Variants in MOV10L1 observed in about 807,000 individuals in gnomAD.
MOV10L1 encodes the protein RNA helicase Mov10l1.
MOV10L1 carries 110 observed loss-of-function variants against 143.8 expected under a neutral mutation model. That is an observed-to-expected ratio of 0.76 (90% confidence interval 0.66 to 0.90). The LOEUF is 0.90. Ranked by LOEUF, MOV10L1 falls within the 40% of genes least tolerant of loss-of-function variation. The probability of loss-of-function intolerance (pLI) is 0.00; values close to 1 mark genes in which losing one functional copy is unlikely to be tolerated. For synonymous variants in MOV10L1, 593 were observed against 581.1 expected (o/e 1.02, Z -0.29); for missense variants, 1,406 against 1,526.8 (o/e 0.92, Z 1.32).
chr22:50,099,397 T>C (rs778947139), intron 2 of MOV10L1, 46 bp from the exon 3 acceptor site: 10 of 1,588,244 alleles, frequency 6.3e-6, no homozygotes, highest in Non-Finnish European at 7.8e-6. Context: ...TTTGCTTTTC[T>C]TGTAGTTCTC....
At chr22:50,116,660 C>CTTTTT (rs397867977) in intron 8 of MOV10L1, among the ~76,000 whole-genome samples, 16 of 104,116 alleles carry the variant, frequency 1.5e-4, no homozygotes, top group African/African-American at 2.1e-4. Context: ...TAGATGCTTA[C>CTTTTT]TTTTTTTTTT....
chr22:50,115,122 AC>A lies in MOV10L1; in HGVS notation c.1137del (p.Cys380ValfsTer17), dbSNP rs1457761400. On this transcript the variant is annotated frameshift_variant, in exon 8 of 27. Coordinates refer to ENST00000262794, the MANE Select transcript of MOV10L1 (RefSeq NM_018995.3). LOFTEE classifies it high-confidence loss of function. ...AAAATTTTATTTCCCAGGTGATTGT[AC>A]CTGTAAAGGAGAAAATGGAGAAAAA... is the stretch of plus-strand genomic sequence containing the variant. ...NNRGISPGDC[T>X]CKGENGEKDN... 1.3e-6 allele frequency: 2 copies of A among 1,571,072 alleles called. No homozygotes were observed. Among genetic ancestry groups the A allele is most frequent in the African/African-American group, 2.8e-5 (2 of 71,568 alleles).
At position 50,158,028 on chromosome 22, in the gene MOV10L1, A is replaced by G. The variant is rs754102090; in HGVS notation, c.3067-29A>G. On this transcript the variant is annotated intron_variant, in intron 22 of 26. Coordinates refer to ENST00000262794, the MANE Select transcript of MOV10L1 (RefSeq NM_018995.3). The surrounding 1 kb of genome is among the most constrained non-coding windows in gnomAD (Gnocchi z 5.0). ...CCTTCTGGTGAATATTCATGAAGTA[A>G]AGTAGGTTTTCTCTCCTCATCAACC... 17 of 1,598,450 alleles carry G rather than the reference A, an allele frequency of 1.1e-5. 1 individual carries two copies. Among genetic ancestry groups the G allele is most frequent in the South Asian group, 4.5e-5 (4 of 89,676 alleles).
At chr22:50,108,069 T>G in intron 3 of MOV10L1, 67 bp from the exon 4 acceptor site, 1 of 1,389,188 alleles carries the variant, frequency 7.2e-7, no homozygotes, top group Non-Finnish European at 1.0e-6. Context: ...ATGATTTCAG[T>G]GCACCATGAC....
At chr22:50,140,003 ACATAAGG>A (rs1433106647) in intron 15 of MOV10L1, among the ~76,000 whole-genome samples, 1 of 152,206 alleles carries the variant, frequency 6.6e-6, no homozygotes, top group African/African-American at 2.4e-5. Flanking sequence ...AGAGATGAAG[ACATAAGG>A]CCACGTGAGG....
In MOV10L1 at chr22:50,114,643, C is replaced by T. The variant is rs1268581270; in HGVS notation, c.1126+21C>T. On this transcript the variant is annotated intron_variant, in intron 7 of 26. Transcript: ENST00000262794. ...TCCAGGTAGTGGACGTTTCGGCTGT[C>T]ACTGCGTGAGGTCGGGTGGGCTGGG... 3 of 1,611,276 alleles carry T rather than the reference C, an allele frequency of 1.9e-6. No homozygotes were observed. The East Asian group carries it at 6.7e-5, about 36-fold the overall frequency.
At chr22:50,118,886 A>G (rs770495138) in intron 9 of MOV10L1, among the ~76,000 whole-genome samples, 2 of 152,154 alleles carry the variant, frequency 1.3e-5, no homozygotes, top group Non-Finnish European at 2.9e-5. Flanking sequence ...CTTATCACCC[A>G]TCCTGCAGGC....
At chr22:50,128,341 T>A in intron 12 of MOV10L1, 75 bp from the exon 13 acceptor site, 1 of 861,742 alleles carries the variant, frequency 1.2e-6, no homozygotes, top group Non-Finnish European at 1.9e-6. Flanking sequence ...TAGAATGAAT[T>A]TTTGATGATG....
chr22:50,142,297 G>A (rs909750952), intron 16 of MOV10L1, 108 bp downstream of exon 16: 5 of 775,062 alleles, frequency 6.5e-6, no homozygotes, highest in Non-Finnish European at 9.8e-6. Context: ...AGTAGGGGGC[G>A]TGTGGCCTGT....
At chr22:50,095,214 C>A (rs1285484173) in intron 2 of MOV10L1, 1 of 152,198 alleles carries the variant, frequency 6.6e-6, no homozygotes, top group Admixed American at 6.6e-5. Flanking sequence ...CCTGCACTTT[C>A]ATGCTGCAGA....
chr22:50,117,162 C>T lies in MOV10L1; in HGVS notation c.1265C>T (p.Pro422Leu), dbSNP rs1195666735. Residue 422 changes from proline (P) to leucine (L), a missense_variant, in exon 9 of 27, where the codon CCT becomes CTT. By Grantham distance (98) the Pro-to-Leu change is moderately conservative. Around this residue, in one of 3 missense-constraint regions of MOV10L1, gnomAD observed 1,233 missense variants for 1,351.4 expected, o/e 0.91. Coordinates refer to ENST00000262794, the MANE Select transcript of MOV10L1 (RefSeq NM_018995.3). ...FIVVICDGKN[P>L]GRCKELLLLC... ...TTCATTTTGTTTTTTTCAAGAAATC[C>T]TGGCCGCTGCAAGGAGCTCCTTTTG... 2.5e-6 allele frequency: 4 copies of T among 1,589,326 alleles called. No individual in the cohort carries two copies. Among genetic ancestry groups the T allele is most frequent in the Non-Finnish European group, 3.4e-6 (4 of 1,168,988 alleles).
chr22:50,159,804 C>T lies in MOV10L1; in HGVS notation c.3324+19C>T, dbSNP rs117653034. 3,848 of 1,532,808 alleles carry T rather than the reference C, an allele frequency of 2.5e-3. 12 individuals are homozygous for T. Among genetic ancestry groups the T allele is most frequent in the South Asian group, 4.3e-3 (380 of 88,726 alleles). The allele number at this position is 1,532,808 out of a possible 1,614,324, so 95.0% of individuals were successfully genotyped here. Reference sequence around the variant, plus strand: ...TTCGACCGTAGGTATCCCTGTTCTCCGTGGGGATGGACAGTCAGGTGCTTG... The same window carrying T: ...TTCGACCGTAGGTATCCCTGTTCTCTGTGGGGATGGACAGTCAGGTGCTTG... On this transcript the variant is annotated intron_variant, in intron 24 of 26. Coordinates refer to ENST00000262794, the MANE Select transcript of MOV10L1 (RefSeq NM_018995.3). This position sits in a 1 kb window ranked among gnomAD's most constrained non-coding sequence, Gnocchi z 4.1.
rs1602088636 is a variant in MOV10L1 at position 50,090,078 on chromosome 22, G to A, written c.-11G>A. On this transcript the variant is annotated 5_prime_UTR_variant, in exon 1 of 27. Coordinates refer to ENST00000262794, the MANE Select transcript of MOV10L1 (RefSeq NM_018995.3). Reference sequence around the variant, plus strand: ...AGCGGCGGTGACGGCAGCCTAGGCCGGGCGAGGGCCATGCTGAGCCTCGCA... The same window carrying A: ...AGCGGCGGTGACGGCAGCCTAGGCCAGGCGAGGGCCATGCTGAGCCTCGCA... 1.6e-6 allele frequency: 2 copies of A among 1,272,668 alleles called. No homozygotes were observed. The highest frequency in any genetic ancestry group is 2.0e-6 in the Non-Finnish European group (2 of 1,006,612). The allele number at this position is 1,272,668 out of a possible 1,614,324, so 78.8% of individuals were successfully genotyped here.
chr22:50,144,133 T>A lies in MOV10L1; in HGVS notation c.2395T>A (p.Cys799Ser). The change falls in exon 18 of 27, where the codon TGT (cysteine) becomes AGT (serine). Residue 799 changes from cysteine to serine, a missense_variant. Coordinates refer to ENST00000262794, the MANE Select transcript of MOV10L1 (RefSeq NM_018995.3). ...CTTGCCGGACAGTCGGATTTTAGTCTGTGCGCCCTCCAACAGTGCTGCTGA... is the reference window on the plus strand; with the variant it reads ...CTTGCCGGACAGTCGGATTTTAGTCAGTGCGCCCTCCAACAGTGCTGCTGA... The part of the protein sequence containing the change: ...FALPDSRILV[C>S]APSNSAADLV... The A allele has an allele frequency of 6.2e-7, 1 of 1,612,656 alleles. No homozygotes were observed. Among genetic ancestry groups the A allele is most frequent in the Non-Finnish European group, 8.5e-7 (1 of 1,178,694 alleles).
chr22:50,110,574 C>T (rs1013886906), intron 5 of MOV10L1, among the ~76,000 whole-genome samples: 3 of 152,070 alleles, frequency 2.0e-5, no homozygotes, highest in African/African-American at 7.2e-5. Flanking sequence ...GTGGATTTTT[C>T]TGTTTTGTTG....
intron 1 of MOV10L1, 40 bp from the exon 2 acceptor site, chr22:50,091,961 C>G: frequency 6.3e-7 from 1 of 1,591,520 alleles, no homozygotes; most frequent in Middle Eastern, 1.7e-4. Context: ...CGTACGCTTG[C>G]TTTTATGGCC....
intron 5 of MOV10L1, among the ~76,000 whole-genome samples, chr22:50,110,484 A>G (rs1391761238): frequency 6.6e-6 from 1 of 151,172 alleles, no homozygotes; most frequent in Non-Finnish European, 1.5e-5. Flanking sequence ...GGAAGCTTTC[A>G]GCCATCTCTA....
At chr22:50,100,523 C>CT (rs540993323) in intron 3 of MOV10L1, among the ~76,000 whole-genome samples, 123 of 151,012 alleles carry the variant, frequency 8.1e-4, no homozygotes, top group Middle Eastern at 3.4e-3. Context: ...TTCTTTCTTT[C>CT]TTTTTTTTGA....
intron 10 of MOV10L1, among the ~76,000 whole-genome samples, chr22:50,121,621 C>T (rs2062348124): frequency 6.6e-6 from 1 of 152,244 alleles, no homozygotes; most frequent in Non-Finnish European, 1.5e-5. Flanking sequence ...GTCGCGAGCG[C>T]AGTCCTCTGT....
Sources: gnomAD v4.1 joint callset for allele counts (sites outside exome capture counted in the v4.1 genomes callset) on GRCh38, gnomAD v4.1.1 for gene constraint, gnomAD v4.1.1 regional missense constraint, Gnocchi (gnomAD v3.1) non-coding constraint, MANE v1.5 for transcripts, NCBI Gene and HGNC (gene_info 2026-07-23, HGNC 2026-07-21) for gene names.